EARS2: variants seen among roughly 807,000 people sequenced by gnomAD.
EARS2 encodes the protein nondiscriminating glutamyl-tRNA synthetase EARS2, mitochondrial.
Under a neutral mutation model 54.1 loss-of-function variants are expected in EARS2, and 50 were observed. That is an observed-to-expected ratio of 0.92 (90% CI 0.74 to 1.17). EARS2 has a LOEUF of 1.17. EARS2 is among the 50% of genes most tolerant of loss of function. EARS2 has a pLI of 0.00. For synonymous variants in EARS2, 298 were observed against 281.0 expected (o/e 1.06, Z -0.61); for missense variants, 673 against 675.0 (o/e 1.00, Z 0.03).
Position 23,529,952 on chromosome 16 carries a change from C to T in EARS2, c.1068-55G>A, listed in dbSNP as rs59125292. 9.0e-4 allele frequency: 1,429 copies of T among 1,594,268 alleles called. 12 individuals are homozygous for T. The African/African-American group carries it at 0.016, about 18-fold the overall frequency. On this transcript the variant is annotated intron_variant, in intron 5 of 8. Coordinates refer to ENST00000449606, the MANE Select transcript of EARS2 (RefSeq NM_001083614.2). Reference sequence around the variant, plus strand: ...TGTCAACACCCCAACCCACCCAAACCGTCTCTCCCCCAGGGAAAGGGTGAA... The same window carrying T: ...TGTCAACACCCCAACCCACCCAAACTGTCTCTCCCCCAGGGAAAGGGTGAA...
chr16:23,541,825 C>T (rs769797272), intron 3 of EARS2, among the ~76,000 whole-genome samples: 9 of 151,040 alleles, frequency 6.0e-5, no homozygotes, highest in Non-Finnish European at 7.4e-5. Context: ...TCCCAGGTAG[C>T]TAGGATTACA....
At chr16:23,529,428 G>A in intron 7 of EARS2, 74 bp downstream of exon 7, 1 of 1,550,866 alleles carries the variant, frequency 6.4e-7, no homozygotes, top group Non-Finnish European at 8.8e-7. Flanking sequence ...GCCCAGCCCT[G>A]AAGGAAAGAG....
chr16:23,534,822 T>A, intron 4 of EARS2, 66 bp downstream of exon 4: 1 of 1,403,942 alleles, frequency 7.1e-7, no homozygotes, highest in Non-Finnish European at 9.6e-7. Flanking sequence ...CAGGACTGTC[T>A]GAGCCAAAGC....
chr16:23,533,237 T>C (rs983509346), intron 4 of EARS2, among the ~76,000 whole-genome samples: 1 of 152,178 alleles, frequency 6.6e-6, no homozygotes, highest in African/African-American at 2.4e-5. Flanking sequence ...TGAGCTAAGA[T>C]TGTGCCGTTG....
chr16:23,529,736 C>T lies in EARS2; in HGVS notation c.1221+8G>A, dbSNP rs1368849675. Reference sequence around the variant, plus strand: ...CTCCCTCAGCTTCCCAGAATCCTGACACCACACCTGTCTCAGCAGGAGGAT... The same window carrying T: ...CTCCCTCAGCTTCCCAGAATCCTGATACCACACCTGTCTCAGCAGGAGGAT... On this transcript the variant is annotated splice_region_variant and intron_variant, in intron 6 of 8. Coordinates refer to ENST00000449606, the MANE Select transcript of EARS2 (RefSeq NM_001083614.2). 1.9e-6 allele frequency: 3 copies of T among 1,614,098 alleles called. No individual in the cohort carries two copies. The highest frequency in any genetic ancestry group is 1.7e-6 in the Non-Finnish European group (2 of 1,179,998).
chr16:23,532,440 C>T (rs947413613), intron 5 of EARS2: 3 of 409,780 alleles, frequency 7.3e-6, no homozygotes, highest in African/African-American at 6.0e-5. Context: ...TTTCATGCAA[C>T]ACTTAATACA....
chr16:23,530,017 T>A (rs185998580), intron 5 of EARS2, 120 bp from the exon 6 acceptor site: 1 of 1,221,354 alleles, frequency 8.2e-7, no homozygotes, highest in East Asian at 2.5e-5. Context: ...AGCCCTCCCT[T>A]TCGCAAGCTA....
chr16:23,549,243 A>C (rs1163529144), intron 2 of EARS2, among the ~76,000 whole-genome samples: 1 of 152,116 alleles, frequency 6.6e-6, no homozygotes, highest in Non-Finnish European at 1.5e-5. Context: ...CACCCCTTGG[A>C]GCTCCACAAC....
chr16:23,524,540 C>T (rs1370933787), intron 8 of EARS2, 86 bp from the exon 9 acceptor site: 1 of 1,175,646 alleles, frequency 8.5e-7, no homozygotes, highest in Non-Finnish European at 1.3e-6. Context: ...GAAATTATTC[C>T]CAGGCCAGCC....
At chr16:23,529,711 C>T (rs1567379359) in intron 6 of EARS2, 33 bp downstream of exon 6, 2 of 1,613,392 alleles carry the variant, frequency 1.2e-6, no homozygotes, top group East Asian at 2.2e-5. Context: ...CCAGTAACCC[C>T]TCCCTCAGCT....
chr16:23,528,831 C>G (rs1223915887), intron 7 of EARS2, among the ~76,000 whole-genome samples: 4 of 152,218 alleles, frequency 2.6e-5, no homozygotes, highest in Non-Finnish European at 4.4e-5. Context: ...TGAGCTGCTT[C>G]CTGCAGATTG....
intron 3 of EARS2, among the ~76,000 whole-genome samples, chr16:23,543,716 G>A (rs1420132911): frequency 6.8e-6 from 1 of 146,570 alleles, no homozygotes; most frequent in African/African-American, 2.5e-5. Flanking sequence ...CTGGGCGACA[G>A]AGTGAGACTG....
chr16:23,543,704 G>A (rs1965554373), intron 3 of EARS2, among the ~76,000 whole-genome samples: 1 of 149,600 alleles, frequency 6.7e-6, no homozygotes, highest in South Asian at 2.1e-4. Flanking sequence ...CTGCGCTCCA[G>A]CCTGGGCGAC....
intron 3 of EARS2, among the ~76,000 whole-genome samples, chr16:23,537,841 G>A (rs1177208245): frequency 6.7e-6 from 1 of 149,656 alleles, no homozygotes; most frequent in Non-Finnish European, 1.5e-5. Context: ...ACCCAGGCTG[G>A]AGTACAGTAG....
chr16:23,553,523 G>A (rs1315434448), intron 1 of EARS2, among the ~76,000 whole-genome samples: 1 of 152,030 alleles, frequency 6.6e-6, no homozygotes, highest in Non-Finnish European at 1.5e-5. Flanking sequence ...TTTGGAGGCA[G>A]AGGCACGAGG....
intron 3 of EARS2, 191 bp from the exon 4 acceptor site, chr16:23,535,551 T>C: frequency 1.7e-6 from 1 of 603,340 alleles, no homozygotes; most frequent in East Asian, 2.8e-5. Flanking sequence ...CACTAATGTC[T>C]GCCTATCTAC....
In EARS2 at chr16:23,557,334, G is replaced by A. The variant is rs768617657; in HGVS notation, c.10C>T (p.Leu4Phe). Residue 4 changes from leucine (L) to phenylalanine (F), a missense_variant, in exon 1 of 9, where the codon CTC becomes TTC. Coordinates refer to ENST00000449606, the MANE Select transcript of EARS2 (RefSeq NM_001083614.2). The part of the protein sequence containing the change: MAA[L>F]LRRLLQRERP... ...TCGCGCTGCAGCAGTCTCCTCAGGA[G>A]CGCCGCCATGTGGGATGGAATAGCA... is the stretch of plus-strand genomic sequence containing the variant. 7.1e-6 allele frequency: 11 copies of A among 1,546,780 alleles called. No homozygotes were observed. Among genetic ancestry groups the A allele is most frequent in the African/African-American group, 1.4e-5 (1 of 73,826 alleles).
At chr16:23,550,318 G>A (rs954323567) in intron 2 of EARS2, among the ~76,000 whole-genome samples, 1 of 148,926 alleles carries the variant, frequency 6.7e-6, no homozygotes, top group Admixed American at 6.8e-5. Flanking sequence ...AGTGAGCTGT[G>A]TTTGAACCAC....
intron 1 of EARS2, among the ~76,000 whole-genome samples, chr16:23,555,481 A>C (rs1965760978): frequency 6.6e-6 from 1 of 152,124 alleles, no homozygotes; most frequent in Admixed American, 6.5e-5. Context: ...GACAGAGCCA[A>C]ACCCTGTCTC....
Sources: gnomAD v4.1 joint callset for allele counts (sites outside exome capture counted in the v4.1 genomes callset) on GRCh38, gnomAD v4.1.1 for gene constraint, MANE v1.5 for transcripts, NCBI Gene and HGNC (gene_info 2026-07-23, HGNC 2026-07-21) for gene names.